Variants in GULP1 observed in about 807,000 individuals in gnomAD.
GULP1 encodes GULP PTB domain containing engulfment adaptor 1, also known as PTB domain-containing engulfment adapter protein 1.
Under a neutral mutation model 40.9 loss-of-function variants are expected in GULP1, and 19 were observed. That is an observed-to-expected ratio of 0.46 (90% CI 0.32 to 0.68). The LOEUF is 0.68. Among genes scored for constraint, GULP1 ranks in the 30% least tolerant of loss-of-function variants. GULP1 has a pLI of 0.03. For missense variants in GULP1, 312 were observed against 362.2 expected (o/e 0.86, Z 1.12); for synonymous variants, 119 against 117.6 (o/e 1.01, Z -0.08).
chr2:188,585,608 G>T (rs1239493927), intron 10 of GULP1, among the ~76,000 whole-genome samples: 1 of 152,324 alleles, frequency 6.6e-6, no homozygotes, highest in Non-Finnish European at 1.5e-5. Context: ...GCAATGGCTT[G>T]AGCTGTATCT....
At position 188,529,089 on chromosome 2, in the gene GULP1, A is replaced by G; in HGVS notation, c.163-8A>G. Reference sequence around the variant, plus strand: ...AGTGTAGCTTTGTGAATAATTTTTCATTCGTAGTTTGCAAGACATATCAAG... The same window carrying G: ...AGTGTAGCTTTGTGAATAATTTTTCGTTCGTAGTTTGCAAGACATATCAAG... On this transcript the variant is annotated splice_region_variant and splice_polypyrimidine_tract_variant and intron_variant, in intron 5 of 11. Coordinates refer to ENST00000409830, the MANE Select transcript of GULP1 (RefSeq NM_016315.4). The G allele has an allele frequency of 4.7e-6, 6 of 1,274,144 alleles. No individual in the cohort carries two copies. The highest frequency in any genetic ancestry group is 6.8e-6 in the Non-Finnish European group (6 of 888,388). 78.9% of individuals were successfully genotyped at this position (1,274,144 alleles called of 1,614,324 possible).
At chr2:188,380,604 A>G (rs1279064894) in intron 1 of GULP1, among the ~76,000 whole-genome samples, 3 of 152,216 alleles carry the variant, frequency 2.0e-5, no homozygotes, top group Non-Finnish European at 4.4e-5. Context: ...ATATATTTTG[A>G]ATTTAGGAGC....
At chr2:188,361,437 G>A (rs968533163) in intron 1 of GULP1, among the ~76,000 whole-genome samples, 33 of 151,954 alleles carry the variant, frequency 2.2e-4, no homozygotes, top group African/African-American at 7.5e-4. Flanking sequence ...GAGAGAGAGA[G>A]AAACAAGGGC....
intron 1 of GULP1, among the ~76,000 whole-genome samples, chr2:188,332,502 A>G (rs755761760): frequency 6.6e-5 from 10 of 152,148 alleles, no homozygotes; most frequent in Non-Finnish European, 1.3e-4. Flanking sequence ...TTATTCTTTT[A>G]ACAAACACTT....
intron 1 of GULP1, among the ~76,000 whole-genome samples, chr2:188,342,934 C>A (rs2043156883): frequency 6.6e-6 from 1 of 152,066 alleles, no homozygotes; most frequent in Non-Finnish European, 1.5e-5. Context: ...ATATTTCAGT[C>A]CTAAAACAGT....
rs1003641560 is a variant in GULP1, at chr2:188,473,680, C to T, written c.-44-3979C>T. ...GACTCACCCTTCTGGGCAGTGGACTCGCCTCTGGCCAAGGACAGGTCCAGA... is the reference window on the plus strand; with the variant it reads ...GACTCACCCTTCTGGGCAGTGGACTTGCCTCTGGCCAAGGACAGGTCCAGA... On this transcript the variant is annotated intron_variant, in intron 2 of 11. Coordinates refer to ENST00000409830, the MANE Select transcript of GULP1 (RefSeq NM_016315.4). 3.3e-5 allele frequency among the ~76,000 whole-genome samples: 5 copies of T among 152,126 alleles called. No homozygotes were observed. In the South Asian group the frequency reaches 8.3e-4, roughly 25 times the overall value.
chr2:188,552,182 C>A (rs1228594762), intron 7 of GULP1, among the ~76,000 whole-genome samples: 1 of 149,442 alleles, frequency 6.7e-6, no homozygotes, highest in Non-Finnish European at 1.5e-5. Context: ...AATTAAGTAC[C>A]ATTTGTCCAT....
intron 3 of GULP1, among the ~76,000 whole-genome samples, chr2:188,480,501 T>C (rs2061362013): frequency 6.6e-6 from 1 of 152,026 alleles, no homozygotes; most frequent in African/African-American, 2.4e-5. Flanking sequence ...TTTGTATTTC[T>C]TGATTGAATT....
chr2:188,490,761 T>C (rs1007169323), intron 4 of GULP1, among the ~76,000 whole-genome samples: 1 of 152,124 alleles, frequency 6.6e-6, no homozygotes, highest in African/African-American at 2.4e-5. Flanking sequence ...ATTTATCATT[T>C]ATTTCATATT....
chr2:188,497,379 T>C (rs758430980), intron 4 of GULP1, among the ~76,000 whole-genome samples: 15 of 152,026 alleles, frequency 9.9e-5, no homozygotes, highest in Non-Finnish European at 1.9e-4. Context: ...GGACATTAAT[T>C]GACTAAGTGG....
chr2:188,371,164 G>A (rs1262825175), intron 1 of GULP1, among the ~76,000 whole-genome samples: 4 of 152,014 alleles, frequency 2.6e-5, no homozygotes. Flanking sequence ...TGTACAAATG[G>A]TTATATTCTT....
chr2:188,374,243 A>G (rs764537670), intron 1 of GULP1, among the ~76,000 whole-genome samples: 6 of 152,130 alleles, frequency 3.9e-5, no homozygotes, highest in Non-Finnish European at 5.9e-5. Context: ...TTGGTTCATT[A>G]TTATTTGCTA....
At chr2:188,478,601 G>A (rs1339425034) in intron 3 of GULP1, among the ~76,000 whole-genome samples, 3 of 152,006 alleles carry the variant, frequency 2.0e-5, no homozygotes, top group African/African-American at 4.8e-5. Flanking sequence ...TGACAAGTTA[G>A]GCCTTATTCC....
chr2:188,372,584 T>G (rs2047742096), intron 1 of GULP1, among the ~76,000 whole-genome samples: 1 of 152,018 alleles, frequency 6.6e-6, no homozygotes, highest in African/African-American at 2.4e-5. Context: ...TTAAAAATAC[T>G]CCAGGAGAGA....
intron 2 of GULP1, among the ~76,000 whole-genome samples, chr2:188,406,309 A>G (rs146341920): frequency 9.8e-5 from 15 of 152,340 alleles, no homozygotes; most frequent in East Asian, 7.7e-4. Flanking sequence ...ATCTAAATAC[A>G]GAAGAGGTAC....
intron 4 of GULP1, among the ~76,000 whole-genome samples, chr2:188,491,094 A>G (rs757205312): frequency 1.3e-5 from 2 of 152,052 alleles, no homozygotes; most frequent in Non-Finnish European, 2.9e-5. Flanking sequence ...CACCATGCCT[A>G]GCCGAAATAA....
chr2:188,383,020 C>T (rs557213871), intron 1 of GULP1, among the ~76,000 whole-genome samples: 1 of 152,240 alleles, frequency 6.6e-6, no homozygotes, highest in South Asian at 2.1e-4. Flanking sequence ...AAGCAGGGCA[C>T]AAGACTTAGA....
chr2:188,455,876 A>C (rs1175255906), intron 2 of GULP1, among the ~76,000 whole-genome samples: 2 of 152,198 alleles, frequency 1.3e-5, no homozygotes, highest in Non-Finnish European at 2.9e-5. Flanking sequence ...TGGACAATAA[A>C]GTCCAGGCTG....
At chr2:188,364,848 A>G (rs2046557833) in intron 1 of GULP1, among the ~76,000 whole-genome samples, 1 of 146,898 alleles carries the variant, frequency 6.8e-6, no homozygotes, top group Admixed American at 6.8e-5. Context: ...GTATATATGT[A>G]TCCACAAACA....
Sources: allele counts gnomAD v4.1 joint callset (sites outside exome capture counted in the v4.1 genomes callset), GRCh38; gene constraint gnomAD v4.1.1; transcripts MANE v1.5; gene names NCBI Gene and HGNC (gene_info 2026-07-23, HGNC 2026-07-21).